The following PNLDC1 variants were observed in gnomAD, a reference collection of about 807,000 sequenced individuals.
The protein encoded by PNLDC1 is PARN like ribonuclease domain containing exonuclease 1, also known as poly(A)-specific ribonuclease PNLDC1.
PNLDC1 carries 70 observed loss-of-function variants against 82.0 expected under a neutral mutation model. That is an observed-to-expected ratio of 0.85 (90% confidence interval 0.70 to 1.04). The LOEUF (loss-of-function observed/expected upper bound fraction) is 1.04, where lower values mean the gene tolerates loss of function less well. PNLDC1 is among the 50% of genes least tolerant of loss of function. The pLI is 0.00. For synonymous variants in PNLDC1, 280 were observed against 249.3 expected, an observed-to-expected ratio of 1.12 and a Z score of -1.16; for missense variants, 631 against 661.1, an observed-to-expected ratio of 0.95 and a Z score of 0.50.
intron 14 of PNLDC1, 34 bp downstream of exon 14, chr6:159,816,630 CTTT>C (rs199990987): frequency 0.036 from 46,446 of 1,285,558 alleles, 2 homozygotes; most frequent in Middle Eastern, 0.047. Context: ...AGGAAACTCA[CTTT>C]TTTTTTTTTT....
chr6:159,800,911 G>T (rs730546), intron 2 of PNLDC1, 82 bp downstream of exon 2: 8 of 1,598,396 alleles, frequency 5.0e-6, no homozygotes, highest in South Asian at 2.2e-5. Flanking sequence ...TTGGCATTTG[G>T]GGGGCAGGAC....
At position 159,804,421 on chromosome 6, in the gene PNLDC1, T is replaced by C. The variant is rs1781373802; in HGVS notation, c.373-128T>C. The C allele has an allele frequency of 1.7e-5, 12 of 689,288 alleles. No individual in the cohort carries two copies. In the East Asian group the frequency reaches 3.3e-4, roughly 19 times the overall value. 42.7% of individuals were successfully genotyped at this position (689,288 alleles called of 1,614,324 possible). A position where few individuals can be genotyped will look rare whatever the true frequency, so the allele number is the denominator to read the frequency against. On this transcript the variant is annotated intron_variant, in intron 5 of 18. Coordinates refer to ENST00000392167, the MANE Select transcript of PNLDC1 (RefSeq NM_001271862.2). Reference sequence around the variant, plus strand: ...ACCCGGCCTGGGAATGTCTTACAAGTGATCTAGACGAACTGGCTTATACAG... The same window carrying C: ...ACCCGGCCTGGGAATGTCTTACAAGCGATCTAGACGAACTGGCTTATACAG...
chr6:159,820,231 G>T (rs1781991918), intron 18 of PNLDC1, among the ~76,000 whole-genome samples: 1 of 152,210 alleles, frequency 6.6e-6, no homozygotes, highest in Non-Finnish European at 1.5e-5. Flanking sequence ...TGCTGAGGAA[G>T]CACAGTGAGC....
At position 159,819,317 on chromosome 6, in the gene PNLDC1, C is replaced by A. The variant is rs1275377399; in HGVS notation, c.1497C>A (p.Tyr499Ter). ...HPTLCISLYR[Y>*]WRHSPNVNCL... is the part of the protein sequence containing the mutation. ...CCCTGTGCATCTCCCTGTACCGCTA[C>A]TGGAGGCACTCCCCAAACGTCAACT... Residue 499 changes from tyrosine to a stop codon, truncating the protein, a stop_gained, in exon 18 of 19, where the codon TAC becomes TAA. Transcript: ENST00000392167. LOFTEE classifies it high-confidence loss of function. The surrounding 1 kb of genome is among the most constrained non-coding windows in gnomAD (Gnocchi z 4.6). The A allele has an allele frequency of 6.2e-7, 1 of 1,613,806 alleles. No individual in the cohort carries two copies. Among genetic ancestry groups the A allele is most frequent in the Non-Finnish European group, 8.5e-7 (1 of 1,180,026 alleles).
intron 10 of PNLDC1, 87 bp downstream of exon 10, chr6:159,810,182 C>A: frequency 1.6e-6 from 2 of 1,254,860 alleles, no homozygotes; most frequent in Non-Finnish European, 1.2e-6. Flanking sequence ...CCTGAGGCAG[C>A]TCCTAAAATG....
chr6:159,810,297 AG>A (rs996751155), intron 10 of PNLDC1, among the ~76,000 whole-genome samples: 7 of 152,196 alleles, frequency 4.6e-5, no homozygotes, highest in African/African-American at 1.7e-4. Context: ...GACTTTGTCA[AG>A]GGGGAAAAAA....
In PNLDC1 at chr6:159,808,754, G is replaced by C; in HGVS notation, c.577G>C (p.Glu193Gln). 1.9e-6 allele frequency: 3 copies of C among 1,613,794 alleles called. No homozygotes were observed. Among genetic ancestry groups the C allele is most frequent in the Non-Finnish European group, 2.5e-6 (3 of 1,179,910 alleles). The part of the protein sequence containing the change: ...LPGITGFQAF[E>Q]VQLVLRQALP... ...CCCTGCTGCAGGCTTCCAGGCCTTT[G>C]AGGTCCAACTGGTGCTGAGGCAGGC... The change falls in exon 8 of 19, where the codon GAG (glutamate) becomes CAG (glutamine). Residue 193 changes from glutamate (E) to glutamine (Q), a missense_variant. Transcript: ENST00000392167.
chr6:159,804,653 C>A lies in PNLDC1; in HGVS notation c.461+16C>A, dbSNP rs758956037. 6.4e-7 allele frequency: 1 copy of A among 1,567,382 alleles called. No homozygotes were observed. The highest frequency in any genetic ancestry group is 1.1e-5 in the South Asian group (1 of 88,964). Reference sequence around the variant, plus strand: ...GAGTTCGCAGGTATGGCCTGTTTCTCCAGGTGCCTTTTTGTTTCCTTGTTG... The same window carrying A: ...GAGTTCGCAGGTATGGCCTGTTTCTACAGGTGCCTTTTTGTTTCCTTGTTG... On this transcript the variant is annotated intron_variant, in intron 6 of 18. Transcript: ENST00000392167.
At chr6:159,818,734 C>A in intron 16 of PNLDC1, 80 bp downstream of exon 16, 1 of 1,397,274 alleles carries the variant, frequency 7.2e-7, no homozygotes, top group Non-Finnish European at 1.0e-6. Flanking sequence ...CTCTCTGGGA[C>A]TCGTGAGAGG....
intron 15 of PNLDC1, among the ~76,000 whole-genome samples, chr6:159,817,375 C>T (rs1386632670): frequency 6.6e-6 from 1 of 152,180 alleles, no homozygotes; most frequent in Non-Finnish European, 1.5e-5. Context: ...CTGTATGGGT[C>T]CTGGCCCCCT....
chr6:159,818,442 G>A (rs1340586517), intron 15 of PNLDC1, 113 bp from the exon 16 acceptor site: 1 of 915,140 alleles, frequency 1.1e-6, no homozygotes, highest in Non-Finnish European at 1.7e-6. Context: ...AGGAGGGAGG[G>A]AGAGCCGTCC....
intron 1 of PNLDC1, 160 bp downstream of exon 1, chr6:159,800,543 T>A (rs865985433): frequency 8.9e-6 from 12 of 1,342,800 alleles, no homozygotes; most frequent in Middle Eastern, 2.7e-4. Flanking sequence ...GGTGGGACTT[T>A]GAGCAGCAAG....
chr6:159,815,108 G>A (rs1026371777), intron 12 of PNLDC1, among the ~76,000 whole-genome samples: 24 of 152,272 alleles, frequency 1.6e-4, no homozygotes, highest in Non-Finnish European at 2.6e-4. Flanking sequence ...ACCTAGAAGG[G>A]GTCACAGAGC....
At chr6:159,814,039 C>G (rs76324850) in intron 12 of PNLDC1, among the ~76,000 whole-genome samples, 2,301 of 152,298 alleles carry the variant, frequency 0.015, 64 homozygotes, top group African/African-American at 0.052. Context: ...CTACCTGCCC[C>G]TTCCCGGGGT....
chr6:159,816,425 G>A, intron 13 of PNLDC1, 118 bp from the exon 14 acceptor site: 1 of 902,944 alleles, frequency 1.1e-6, no homozygotes, highest in Non-Finnish European at 1.9e-6. Context: ...GCCTGGAGAA[G>A]GGTATGCAGG....
At position 159,820,567 on chromosome 6, in the gene PNLDC1, A is replaced by G. The variant is rs747351757; in HGVS notation, c.*50A>G. On this transcript the variant is annotated 3_prime_UTR_variant, in exon 19 of 19. Coordinates refer to ENST00000392167, the MANE Select transcript of PNLDC1 (RefSeq NM_001271862.2). ...CCCTCGGGTCCCCATGCTCTCTGGG[A>G]GGTGTGCTGGGTGTGTTCGTGTAAA... The G allele has an allele frequency of 1.3e-6, 2 of 1,552,376 alleles. No homozygotes were observed. The highest frequency in any genetic ancestry group is 1.7e-5 in the Admixed American group (1 of 59,902).
intron 6 of PNLDC1, chr6:159,805,756 T>C: frequency 1.9e-6 from 1 of 515,138 alleles, no homozygotes; most frequent in Non-Finnish European, 3.5e-6. Context: ...CAGGAGGGGA[T>C]TGAATATATG....
chr6:159,804,507 C>G lies in PNLDC1; in HGVS notation c.373-42C>G, dbSNP rs139179152. ...AATCAGGCACAGAGGATCCCTCTGA[C>G]TTGTCTCCTTGTTCTGTTTGTTGTT... is the stretch of plus-strand genomic sequence containing the variant. On this transcript the variant is annotated intron_variant, in intron 5 of 18. Coordinates refer to ENST00000392167, the MANE Select transcript of PNLDC1 (RefSeq NM_001271862.2). 158 of 1,376,362 alleles carry G rather than the reference C, an allele frequency of 1.1e-4. 1 individual carries two copies. The African/African-American group carries it at 2.1e-3, about 18-fold the overall frequency. 85.3% of individuals were successfully genotyped at this position (1,376,362 alleles called of 1,614,324 possible). A position where few individuals can be genotyped will look rare whatever the true frequency, so the allele number is the denominator to read the frequency against.
chr6:159,819,055 T>C lies in PNLDC1; in HGVS notation c.1367T>C (p.Leu456Pro). ...CAAGTCTACCATAAGTTTCAGAATC[T>C]CTGCAAGTTTGATGTCAGGCGACTC... ...EQQVYHKFQN[L>P]CKFDVRRLTR... Residue 456 changes from leucine to proline, a missense_variant, in exon 17 of 19, where the codon CTC (leucine) becomes CCC (proline). Coordinates refer to ENST00000392167, the MANE Select transcript of PNLDC1 (RefSeq NM_001271862.2). This position sits in a 1 kb window ranked among gnomAD's most constrained non-coding sequence, Gnocchi z 4.6. The C allele has an allele frequency of 6.2e-7, 1 of 1,613,956 alleles. No individual in the cohort carries two copies.
Sources: allele counts gnomAD v4.1 joint callset (sites outside exome capture counted in the v4.1 genomes callset), GRCh38; gene constraint gnomAD v4.1.1; non-coding constraint Gnocchi (gnomAD v3.1); transcripts MANE v1.5; gene names NCBI Gene and HGNC (gene_info 2026-07-23, HGNC 2026-07-21).